PTPN22: variants seen among roughly 807,000 people sequenced by gnomAD.
PTPN22 encodes the protein tyrosine-protein phosphatase non-receptor type 22.
Under a neutral mutation model 103.3 loss-of-function variants are expected in PTPN22, and 85 were observed. The ratio of observed to expected loss-of-function variants is 0.82; its 90% CI spans 0.69 to 0.99. The LOEUF is 0.99. Ranked by LOEUF, PTPN22 falls within the 50% of genes least tolerant of loss-of-function variation. PTPN22 has a pLI of 0.00. For synonymous variants in PTPN22, 323 were observed against 310.2 expected (o/e 1.04, Z -0.43); for missense variants, 865 against 936.9 (o/e 0.92, Z 1.00).
chr1:113,833,904 C>T (rs941445751), intron 15 of PTPN22, among the ~76,000 whole-genome samples: 2 of 152,166 alleles, frequency 1.3e-5, no homozygotes, highest in Non-Finnish European at 2.9e-5. Context: ...GAACAAGCTT[C>T]CTACTTAAGT....
At chr1:113,870,797 T>C (rs753158897) in intron 1 of PTPN22, among the ~76,000 whole-genome samples, 4 of 152,168 alleles carry the variant, frequency 2.6e-5, no homozygotes, top group Non-Finnish European at 4.4e-5. Context: ...GATGGGAGGA[T>C]TGCTTGAAGC....
In PTPN22 at chr1:113,829,473, T is replaced by G. The variant is rs534934975; in HGVS notation, c.2250+119A>C. 7 of 556,092 alleles carry G rather than the reference T, an allele frequency of 1.3e-5. No homozygotes were observed. In the South Asian group the frequency reaches 2.1e-4, roughly 16 times the overall value. The allele number at this position is 556,092 out of a possible 1,614,324, so 34.4% of individuals were successfully genotyped here. A position where few individuals can be genotyped will look rare whatever the true frequency, so the allele number is the denominator to read the frequency against. ...TCTATTAATTTTGACTGTTATAATA[T>G]CAACAATTAGTTTTAATAAAGATAT... On this transcript the variant is annotated intron_variant, in intron 18 of 20. Coordinates refer to ENST00000359785, the Ensembl canonical transcript of PTPN22.
At chr1:113,856,815 C>T (rs1020008875) in intron 5 of PTPN22, 196 bp from the exon 6 acceptor site, 14 of 615,700 alleles carry the variant, frequency 2.3e-5, no homozygotes, top group Non-Finnish European at 3.5e-5. Context: ...AAATTACAGA[C>T]TTCCTGGGAG....
chr1:113,861,894 G>A (rs1427882993), intron 1 of PTPN22, among the ~76,000 whole-genome samples: 5 of 152,164 alleles, frequency 3.3e-5, no homozygotes, highest in Non-Finnish European at 7.3e-5. Context: ...GATCTAAAGG[G>A]TGAAGGTATT....
exon 21 of PTPN22, chr1:113,813,866 G>C (rs986992105): frequency 6.6e-6 from 1 of 152,232 alleles, no homozygotes; most frequent in Non-Finnish European, 1.5e-5. Context: ...TGTACTACAA[G>C]AGACAGATAA....
At chr1:113,820,254 G>A (rs905877741) in intron 19 of PTPN22, among the ~76,000 whole-genome samples, 8 of 151,962 alleles carry the variant, frequency 5.3e-5, no homozygotes, top group Admixed American at 6.6e-5. Flanking sequence ...AGGAGTACGA[G>A]ACCAGCCTGT....
At chr1:113,856,742 G>A in intron 5 of PTPN22, 123 bp from the exon 6 acceptor site, 1 of 1,249,268 alleles carries the variant, frequency 8.0e-7, no homozygotes, top group African/African-American at 1.5e-5. Flanking sequence ...TAACCCCTTT[G>A]GGCTTCAACC....
chr1:113,828,173 C>G (rs944489694), intron 18 of PTPN22, among the ~76,000 whole-genome samples: 2 of 141,202 alleles, frequency 1.4e-5, no homozygotes, highest in Non-Finnish European at 1.6e-5. Context: ...GTGCCAGTTG[C>G]AGATTTTTTT....
At chr1:113,859,212 T>C in intron 2 of PTPN22, 134 bp from the exon 3 acceptor site, 1 of 1,545,288 alleles carries the variant, frequency 6.5e-7, no homozygotes, top group South Asian at 1.2e-5. Context: ...GAATGAATAT[T>C]CTTTTGCAGT....
At chr1:113,864,654 G>A (rs770232975) in intron 1 of PTPN22, among the ~76,000 whole-genome samples, 85 of 147,840 alleles carry the variant, frequency 5.7e-4, no homozygotes, top group Non-Finnish European at 1.0e-3. Context: ...GGTGGCTCAC[G>A]CCTATAATCA....
chr1:113,836,620 T>C (rs1663040453), intron 13 of PTPN22, among the ~76,000 whole-genome samples: 1 of 152,228 alleles, frequency 6.6e-6, no homozygotes, highest in Non-Finnish European at 1.5e-5. Flanking sequence ...TGGAAGCTGC[T>C]TCTATATGTT....
At chr1:113,859,587 A>G in intron 1 of PTPN22, 127 bp from the exon 2 acceptor site, 1 of 743,426 alleles carries the variant, frequency 1.3e-6, no homozygotes, top group Non-Finnish European at 2.2e-6. Flanking sequence ...TCTGGTTCTG[A>G]CTCCGTTCAG....
At chr1:113,869,189 C>T (rs759520004) in intron 1 of PTPN22, among the ~76,000 whole-genome samples, 6 of 152,116 alleles carry the variant, frequency 3.9e-5, no homozygotes, top group Non-Finnish European at 5.9e-5. Context: ...GCATTCCAGC[C>T]TGGGTGACAA....
Position 113,830,036 on chromosome 1 carries a change from TAAG to T in PTPN22, c.2054-10_2054-8del. 1 of 1,571,736 alleles carries T rather than the reference TAAG, an allele frequency of 6.4e-7. No individual in the cohort carries two copies. The highest frequency in any genetic ancestry group is 8.7e-7 in the Non-Finnish European group (1 of 1,144,386). The stretch of plus-strand genomic sequence containing the variant: ...GAACGATCTTGATGTAGTTCTGTGA[TAAG>T]AAAGTATACAATAAACCAGAGAAAT... On this transcript the variant is annotated splice_region_variant and splice_polypyrimidine_tract_variant and intron_variant, in intron 16 of 20. Coordinates refer to ENST00000359785, the Ensembl canonical transcript of PTPN22.
exon 9 of PTPN22, chr1:113,854,492 T>C (rs1316968810): frequency 1.2e-6 from 2 of 1,613,916 alleles, no homozygotes; most frequent in South Asian, 1.1e-5. Context: ...GCAACATCCA[T>C]GTATAATCAA....
At chr1:113,853,896 C>T (rs182005195) in intron 9 of PTPN22, among the ~76,000 whole-genome samples, 269 of 117,984 alleles carry the variant, frequency 2.3e-3, no homozygotes, top group African/African-American at 6.1e-3. Flanking sequence ...GACAGAGTCT[C>T]GCTCTGTCAC....
At chr1:113,856,387 T>G (rs1346197581) in exon 7 of PTPN22, 1 of 1,568,082 alleles carries the variant, frequency 6.4e-7, no homozygotes, top group Non-Finnish European at 8.7e-7. Context: ...CTTACACTAT[T>G]GAACTTAACT....
In PTPN22 at chr1:113,855,503, C is replaced by CAA. The variant is rs58516952; in HGVS notation, c.541-456_541-455dup. 8.4e-4 allele frequency among the ~76,000 whole-genome samples: 71 copies of CAA among 84,360 alleles called. 1 individual carries two copies. The highest frequency in any genetic ancestry group is 1.5e-3 in the Admixed American group (10 of 6,712). 55.3% of individuals were successfully genotyped at this position (84,360 alleles called of 152,430 possible). On this transcript the variant is annotated intron_variant, in intron 7 of 20. Coordinates refer to ENST00000359785, the Ensembl canonical transcript of PTPN22. ...TGGGTGACAGAGCGAGACTCTGTCT[C>CAA]AAAAAAAAAAAAAAAAAAAAAAAAG... is the stretch of plus-strand genomic sequence containing the variant.
chr1:113,857,562 G>T, intron 5 of PTPN22, 176 bp downstream of exon 5: 2 of 544,206 alleles, frequency 3.7e-6, no homozygotes, highest in Non-Finnish European at 3.2e-6. Context: ...AAACAAATAG[G>T]ATTCTTAGGA....
Sources: gnomAD v4.1 joint callset for allele counts (sites outside exome capture counted in the v4.1 genomes callset) on GRCh38, gnomAD v4.1.1 for gene constraint, MANE v1.5 for transcripts, NCBI Gene and HGNC (gene_info 2026-07-23, HGNC 2026-07-21) for gene names.